The following KNDC1 variants were observed in gnomAD, a reference collection of about 807,000 sequenced individuals.
The protein encoded by KNDC1 is kinase non-catalytic C-lobe domain-containing protein 1.
Under a neutral mutation model 172.8 loss-of-function variants are expected in KNDC1, and 106 were observed. The observed-to-expected ratio is 0.61, with a 90% CI of 0.52 to 0.72. The LOEUF (loss-of-function observed/expected upper bound fraction) is 0.72, where lower values mean the gene tolerates loss of function less well. Among genes scored for constraint, KNDC1 ranks in the 30% least tolerant of loss-of-function variants. The pLI is 0.00. For synonymous variants in KNDC1, 1,083 were observed against 1,062.2 expected, an observed-to-expected ratio of 1.02 and a Z score of -0.38; for missense variants, 2,325 against 2,394.5, an observed-to-expected ratio of 0.97 and a Z score of 0.61.
At chr10:133,185,399 G>GTAGGCACTGTGTGCAGTGTGGAA (rs1853866014) in intron 5 of KNDC1, among the ~76,000 whole-genome samples, 1 of 97,252 alleles carries the variant, frequency 1.0e-5, no homozygotes, top group Non-Finnish European at 2.3e-5. Context: ...ACAGTGTGGA[G>GTAGGCACTGTGTGCAGTGTGGAA]TAGGCAGTGT....
At chr10:133,183,250 T>C (rs1853777896) in intron 3 of KNDC1, 94 bp from the exon 4 acceptor site, 1 of 1,398,894 alleles carries the variant, frequency 7.1e-7, no homozygotes, top group Non-Finnish European at 9.5e-7. Context: ...TCACGATTCC[T>C]GAAACTTGAG....
intron 3 of KNDC1, among the ~76,000 whole-genome samples, chr10:133,179,870 G>A (rs913604093): frequency 6.6e-6 from 1 of 152,198 alleles, no homozygotes; most frequent in African/African-American, 2.4e-5. Flanking sequence ...CCTCCCTCCA[G>A]CCTGTTCCCT....
intron 3 of KNDC1, among the ~76,000 whole-genome samples, chr10:133,182,959 TGTGGGCACAGGC>T (rs1564881693): frequency 2.2e-5 from 3 of 135,674 alleles, no homozygotes; most frequent in Non-Finnish European, 4.9e-5. Flanking sequence ...GCACAGGCGG[TGTGGGCACAGGC>T]GGTGTGGGCA....
chr10:133,211,740 G>A lies in KNDC1; in HGVS notation c.4118G>A (p.Arg1373Gln), dbSNP rs376055197. ...GGCCTCCTGGAGGTGGGCATGGACCGGCGGGCCGAGGGCAACCCTCGCGGC... is the reference window on the plus strand; with the variant it reads ...GGCCTCCTGGAGGTGGGCATGGACCAGCGGGCCGAGGGCAACCCTCGCGGC... ...LLGLLEVGMD[R>Q]RAEGNPRGTD... Residue 1373 changes from arginine to glutamine, a missense_variant, in exon 23 of 30, where the codon CGG (arginine) becomes CAG (glutamine). Arg to Gln is a conservative substitution (Grantham distance 43). Transcript: ENST00000304613. 129 of 1,609,554 alleles carry A rather than the reference G, an allele frequency of 8.0e-5. No homozygotes were observed. Among genetic ancestry groups the A allele is most frequent in the Admixed American group, 1.7e-4 (10 of 59,254 alleles).
At chr10:133,184,089 C>T in intron 5 of KNDC1, 100 bp downstream of exon 5, 2 of 628,030 alleles carry the variant, frequency 3.2e-6, no homozygotes, top group South Asian at 2.2e-5. Context: ...TGCACACACA[C>T]ACACTGCACA....
Position 133,195,700 on chromosome 10 carries a change from C to T in KNDC1, c.1613C>T (p.Ala538Val). The change falls in exon 10 of 30, where the codon GCA becomes GTA. Residue 538 changes from alanine to valine, a missense_variant. Coordinates refer to ENST00000304613, the MANE Select transcript of KNDC1 (RefSeq NM_152643.8). Reference protein sequence around the residue: ...VYCVAAVLWTAAKFSVPRNHK... With the variant: ...VYCVAAVLWTVAKFSVPRNHK... ...TGTGTGGCCGCCGTTCTGTGGACCG[C>T]AGCCAAGTTCAGCGTCCCCCGCAAC... is the stretch of plus-strand genomic sequence containing the variant. The T allele has an allele frequency of 6.2e-7, 1 of 1,612,646 alleles. No homozygotes were observed. Among genetic ancestry groups the T allele is most frequent in the Non-Finnish European group, 8.5e-7 (1 of 1,179,696 alleles).
chr10:133,209,122 T>C lies in KNDC1; in HGVS notation c.3795-1489T>C, dbSNP rs181549544. 5.6e-4 allele frequency among the ~76,000 whole-genome samples: 85 copies of C among 150,502 alleles called. 1 individual carries two copies. In the East Asian group the frequency reaches 0.011, roughly 20 times the overall value. ...CATGTATGGTGTGTGATGTGGAGTA[T>C]TGTGTGGCGTGTGTGGTGTGTGGTT... On this transcript the variant is annotated intron_variant, in intron 20 of 29. Transcript: ENST00000304613. This position sits in a 1 kb window ranked among gnomAD's most constrained non-coding sequence, Gnocchi z 4.9.
Position 133,198,436 on chromosome 10 carries a change from C to A in KNDC1, c.2006C>A (p.Ala669Glu), listed in dbSNP as rs772724070. 1 of 1,602,466 alleles carries A rather than the reference C, an allele frequency of 6.2e-7. No homozygotes were observed. Among genetic ancestry groups the A allele is most frequent in the Non-Finnish European group, 8.5e-7 (1 of 1,175,092 alleles). The part of the protein sequence containing the change: ...CGEEATQLPA[A>E]FTSEATHFKP... ...GAAGAAGCCACCCAGCTGCCTGCAG[C>A]GTTCACCTCCGAGGCCACGCACTTC... Residue 669 changes from alanine (A) to glutamate (E), a missense_variant, in exon 13 of 30, where the codon GCG becomes GAG. Ala to Glu is a moderately radical substitution (Grantham distance 107). Coordinates refer to ENST00000304613, the MANE Select transcript of KNDC1 (RefSeq NM_152643.8).
At chr10:133,177,343 A>G (rs1043880284) in intron 3 of KNDC1, among the ~76,000 whole-genome samples, 3 of 152,114 alleles carry the variant, frequency 2.0e-5, no homozygotes, top group Non-Finnish European at 4.4e-5. Flanking sequence ...GCCCGTGTGT[A>G]CATGCATGGC....
intron 1 of KNDC1, among the ~76,000 whole-genome samples, chr10:133,161,179 C>T (rs1476305476): frequency 6.6e-6 from 1 of 152,186 alleles, no homozygotes; most frequent in Non-Finnish European, 1.5e-5. Context: ...GCCACCTTGG[C>T]TGGGTCTGAC....
At chr10:133,178,226 A>G (rs376376002) in intron 3 of KNDC1, among the ~76,000 whole-genome samples, 123 of 151,938 alleles carry the variant, frequency 8.1e-4, no homozygotes, top group African/African-American at 2.4e-3. Flanking sequence ...GTGTGTGTGC[A>G]TGCATGTAGC....
chr10:133,178,060 T>C (rs1200247378), intron 3 of KNDC1, among the ~76,000 whole-genome samples: 1 of 151,200 alleles, frequency 6.6e-6, no homozygotes, highest in Non-Finnish European at 1.5e-5. Flanking sequence ...GCATGGTGTG[T>C]GTAGCGTGCA....
chr10:133,175,769 G>T (rs1853518069), intron 3 of KNDC1, among the ~76,000 whole-genome samples: 1 of 151,382 alleles, frequency 6.6e-6, no homozygotes, highest in Admixed American at 6.6e-5. Context: ...AGTAGAGGAT[G>T]GACGGGTGGA....
intron 1 of KNDC1, among the ~76,000 whole-genome samples, chr10:133,164,868 G>C (rs1055404213): frequency 2.0e-5 from 3 of 152,196 alleles, no homozygotes; most frequent in Admixed American, 2.0e-4. Context: ...AGTGCTGCCT[G>C]TGTCTCTCCC....
intron 3 of KNDC1, chr10:133,174,165 G>C (rs1397050963): frequency 6.6e-6 from 1 of 152,292 alleles, no homozygotes; most frequent in Non-Finnish European, 1.5e-5. Flanking sequence ...AGACCCACAG[G>C]CTGGGGATCC....
intron 1 of KNDC1, 39 bp downstream of exon 1, chr10:133,160,608 C>A: frequency 6.9e-7 from 1 of 1,454,436 alleles, no homozygotes; most frequent in Non-Finnish European, 9.3e-7. Context: ...CTTCCGCCGC[C>A]GAGGGGTCCG....
At position 133,224,943 on chromosome 10, in the gene KNDC1, G is replaced by A. The variant is rs917690015; in HGVS notation, c.*53G>A. 23 of 1,449,754 alleles carry A rather than the reference G, an allele frequency of 1.6e-5. No individual in the cohort carries two copies. The highest frequency in any genetic ancestry group is 2.1e-5 in the Non-Finnish European group (22 of 1,042,118). The allele number at this position is 1,449,754 out of a possible 1,614,324, so 89.8% of individuals were successfully genotyped here. A position where few individuals can be genotyped will look rare whatever the true frequency, so the allele number is the denominator to read the frequency against. On this transcript the variant is annotated 3_prime_UTR_variant, in exon 30 of 30. Transcript: ENST00000304613. The surrounding 1 kb of genome is among the most constrained non-coding windows in gnomAD (Gnocchi z 5.4). ...AGATCCGAATCCGACTGTGGGGGGC[G>A]GGCTGGGAGGTGGGAGCCGCGTCTC...
chr10:133,170,627 T>C (rs1281049051), intron 3 of KNDC1, among the ~76,000 whole-genome samples: 1 of 152,264 alleles, frequency 6.6e-6, no homozygotes, highest in Non-Finnish European at 1.5e-5. Flanking sequence ...TTAAGTTATC[T>C]ATTAATTCAT....
At chr10:133,168,759 C>G (rs1853270671) in intron 3 of KNDC1, among the ~76,000 whole-genome samples, 1 of 152,262 alleles carries the variant, frequency 6.6e-6, no homozygotes, top group Non-Finnish European at 1.5e-5. Flanking sequence ...TCTCCAGACA[C>G]AAGGCCTCCA....
Sources: allele counts gnomAD v4.1 joint callset (sites outside exome capture counted in the v4.1 genomes callset), GRCh38; gene constraint gnomAD v4.1.1; non-coding constraint Gnocchi (gnomAD v3.1); transcripts MANE v1.5; gene names NCBI Gene and HGNC (gene_info 2026-07-23, HGNC 2026-07-21).